SFXN5: variants seen among roughly 807,000 people sequenced by gnomAD.
SFXN5 encodes the protein sideroflexin-5.
A neutral mutation model predicts 50.2 loss-of-function variants in SFXN5; 43 were observed. The ratio of observed to expected loss-of-function variants is 0.86; its 90% CI spans 0.67 to 1.11. The LOEUF is 1.11. Among genes scored for constraint, SFXN5 ranks in the 50% least tolerant of loss-of-function variants. The pLI is 0.00. For synonymous variants in SFXN5, 203 were observed against 185.8 expected (o/e 1.09, Z -0.75); for missense variants, 463 against 454.1 (o/e 1.02, Z -0.18).
At chr2:72,948,132 G>GTTCC (rs1672158805) in intron 13 of SFXN5, among the ~76,000 whole-genome samples, 2 of 152,190 alleles carry the variant, frequency 1.3e-5, no homozygotes, top group Admixed American at 1.3e-4. Flanking sequence ...GAGGCATCCT[G>GTTCC]GGAAATAGCA....
chr2:73,046,697 A>C (rs531407388), intron 2 of SFXN5, among the ~76,000 whole-genome samples: 88 of 152,268 alleles, frequency 5.8e-4, no homozygotes, highest in African/African-American at 2.0e-3. Context: ...AGAATAAAAA[A>C]AGTGTATGTT....
intron 6 of SFXN5, among the ~76,000 whole-genome samples, chr2:73,008,318 T>C (rs2105750082): frequency 6.6e-6 from 1 of 152,232 alleles, no homozygotes; most frequent in South Asian, 2.1e-4. Context: ...AATGAGGCAT[T>C]TGGTCCCTAA....
chr2:73,026,283 A>G (rs1215487032), intron 3 of SFXN5, among the ~76,000 whole-genome samples: 1 of 150,176 alleles, frequency 6.7e-6, no homozygotes, highest in Non-Finnish European at 1.5e-5. Context: ...GTGCGCCACC[A>G]TGCCTGGCTA....
intron 9 of SFXN5, among the ~76,000 whole-genome samples, chr2:72,990,675 C>T (rs1672486588): frequency 6.6e-6 from 1 of 152,240 alleles, no homozygotes; most frequent in South Asian, 2.1e-4. Flanking sequence ...GGTTAAACAA[C>T]TTTGCTCAAG....
Position 72,953,977 on chromosome 2 carries a change from G to GAT in SFXN5, c.945+7153_945+7154insAT, listed in dbSNP as rs1672807782. Among the ~76,000 whole-genome samples the GAT allele has an allele frequency of 2.0e-5, 3 of 152,174 alleles. No homozygotes were observed. Among genetic ancestry groups the GAT allele is most frequent in the African/African-American group, 7.2e-5 (3 of 41,424 alleles). ...ACCCACATTTTTGCCCATACAGGGA[G>GAT]GGTATGCCTCTCTGTTTCTTAACCC... is the stretch of plus-strand genomic sequence containing the variant. On this transcript the variant is annotated intron_variant, in intron 13 of 13. Coordinates refer to ENST00000272433, the MANE Select transcript of SFXN5 (RefSeq NM_144579.3). This position sits in a 1 kb window ranked among gnomAD's most constrained non-coding sequence, Gnocchi z 4.1.
chr2:72,978,284 T>C (rs1387881338), intron 10 of SFXN5, among the ~76,000 whole-genome samples: 1 of 151,092 alleles, frequency 6.6e-6, no homozygotes, highest in Non-Finnish European at 1.5e-5. Context: ...TCTTTTTCTT[T>C]CTTTTTTTTT....
intron 1 of SFXN5, among the ~76,000 whole-genome samples, chr2:73,062,317 G>A (rs1682868639): frequency 6.6e-6 from 1 of 152,138 alleles, no homozygotes; most frequent in South Asian, 2.1e-4. Flanking sequence ...AAGGCTTCTG[G>A]GTGGGGTAGA....
At chr2:73,024,102 C>A (rs926348271) in intron 3 of SFXN5, among the ~76,000 whole-genome samples, 19 of 151,072 alleles carry the variant, frequency 1.3e-4, no homozygotes, top group African/African-American at 4.6e-4. Flanking sequence ...TTTTTCACTG[C>A]AACCTCTGTC....
At chr2:72,982,846 C>T (rs1023951536) in intron 10 of SFXN5, among the ~76,000 whole-genome samples, 64 of 152,300 alleles carry the variant, frequency 4.2e-4, no homozygotes, top group African/African-American at 1.3e-3. Flanking sequence ...GAGAGGAGGA[C>T]GGCAGCGTTC....
chr2:72,983,730 T>A (rs900267047), intron 10 of SFXN5, among the ~76,000 whole-genome samples: 1 of 152,156 alleles, frequency 6.6e-6, no homozygotes, highest in Non-Finnish European at 1.5e-5. Context: ...CACCCATTGC[T>A]GTCAACGAGA....
intron 13 of SFXN5, among the ~76,000 whole-genome samples, chr2:72,946,958 G>C (rs1055139677): frequency 6.6e-6 from 1 of 152,172 alleles, no homozygotes; most frequent in Admixed American, 6.5e-5. Flanking sequence ...CCTGGGCTCT[G>C]TCCCCACTCC....
chr2:72,968,586 C>A (rs1041141688), intron 11 of SFXN5, 53 bp from the exon 12 acceptor site: 1 of 1,556,842 alleles, frequency 6.4e-7, no homozygotes, highest in South Asian at 1.1e-5. Context: ...GGTGACAGGA[C>A]AGCACACCAC....
chr2:72,968,511 G>A lies in SFXN5; in HGVS notation c.764C>T (p.Thr255Met), dbSNP rs371438584. ...GATGGGCATGGGCAGGACCACTCGC[G>A]TCAGCGCCGTCTCCAGCAGGGCCTG... Reference protein sequence around the residue: ...ARHALLETALTRVVLPMPILV... With the variant: ...ARHALLETALMRVVLPMPILV... The change falls in exon 12 of 14, where the codon ACG becomes ATG. Residue 255 changes from threonine (T) to methionine (M), a missense_variant. Coordinates refer to ENST00000272433, the MANE Select transcript of SFXN5 (RefSeq NM_144579.3). 113 of 1,613,328 alleles carry A rather than the reference G, an allele frequency of 7.0e-5. No homozygotes were observed. Among genetic ancestry groups the A allele is most frequent in the Middle Eastern group, 1.8e-4 (1 of 5,498 alleles).
intron 6 of SFXN5, among the ~76,000 whole-genome samples, chr2:73,011,485 G>A (rs1675483316): frequency 6.6e-6 from 1 of 152,168 alleles, no homozygotes; most frequent in South Asian, 2.1e-4. Flanking sequence ...GAGAATAAGG[G>A]AGAAACAGCT....
intron 1 of SFXN5, among the ~76,000 whole-genome samples, chr2:73,060,251 C>G (rs907184742): frequency 6.6e-6 from 1 of 151,950 alleles, no homozygotes; most frequent in African/African-American, 2.4e-5. Flanking sequence ...GTCTTACCCC[C>G]AAAAAATGAT....
intron 8 of SFXN5, among the ~76,000 whole-genome samples, chr2:72,999,430 C>T (rs1673634576): frequency 6.6e-6 from 1 of 152,054 alleles, no homozygotes; most frequent in Admixed American, 6.5e-5. Context: ...TCTCACAGGC[C>T]TTGCCAGCCC....
At chr2:72,981,560 G>A (rs1364451489) in intron 10 of SFXN5, among the ~76,000 whole-genome samples, 3 of 152,096 alleles carry the variant, frequency 2.0e-5, no homozygotes, top group Non-Finnish European at 4.4e-5. Flanking sequence ...ATGAGCCACA[G>A]GCCTCCTCCA....
chr2:73,043,922 G>A (rs775455390), intron 2 of SFXN5, among the ~76,000 whole-genome samples: 1 of 152,128 alleles, frequency 6.6e-6, no homozygotes, highest in Non-Finnish European at 1.5e-5. Context: ...GGGTGATTTA[G>A]TATTTGAACC....
rs184307355 is a variant in SFXN5 at position 73,067,758 on chromosome 2, T to C, written c.102+3846A>G. ...CTGTTGAAGCTGGATGATGGGTGCA[T>C]AGGGGTTTACTGACAACTGTCTCCA... is the stretch of plus-strand genomic sequence containing the variant. On this transcript the variant is annotated intron_variant, in intron 1 of 13. Coordinates refer to ENST00000272433, the MANE Select transcript of SFXN5 (RefSeq NM_144579.3). Among the ~76,000 whole-genome samples, 3 of 152,232 alleles carry C rather than the reference T, an allele frequency of 2.0e-5. No individual in the cohort carries two copies. In the East Asian group the frequency reaches 5.8e-4, roughly 29 times the overall value.
Sources: allele counts gnomAD v4.1 joint callset (sites outside exome capture counted in the v4.1 genomes callset), GRCh38; gene constraint gnomAD v4.1.1; non-coding constraint Gnocchi (gnomAD v3.1); transcripts MANE v1.5; gene names NCBI Gene and HGNC (gene_info 2026-07-23, HGNC 2026-07-21).